PLAA: variants seen among roughly 807,000 people sequenced by gnomAD.
PLAA encodes the protein phospholipase A2 activating protein.
PLAA carries 48 observed loss-of-function variants against 84.1 expected under a neutral mutation model. The ratio of observed to expected loss-of-function variants is 0.57; its 90% CI spans 0.45 to 0.73. PLAA has a LOEUF of 0.73. PLAA is among the 30% of genes least tolerant of loss of function. PLAA has a pLI of 0.00. For missense variants in PLAA, 903 were observed against 954.7 expected, an observed-to-expected ratio of 0.95 and a Z score of 0.71; for synonymous variants, 392 against 336.6, an observed-to-expected ratio of 1.16 and a Z score of -1.80.
chr9:26,931,899 A>G (rs1825197634), intron 2 of PLAA, among the ~76,000 whole-genome samples: 1 of 152,212 alleles, frequency 6.6e-6, no homozygotes. Flanking sequence ...AGCCTGGACA[A>G]CATGGTGAAA....
rs776231510 is a variant in PLAA, at chr9:26,905,834, C to T, written c.2065G>A (p.Glu689Lys). ...TTCTTATTGCTCCCTGATTTCAGTT[C>T]TATTGCATGGGACATCAGTGATTCC... ...QRESLMSHAI[E>K]LKSGSNKNIH... The change falls in exon 14 of 14, where the codon GAA becomes AAA. Residue 689 changes from glutamate to lysine, a missense_variant. Transcript: ENST00000397292. 1 of 1,614,164 alleles carries T rather than the reference C, an allele frequency of 6.2e-7. No individual in the cohort carries two copies. Among genetic ancestry groups the T allele is most frequent in the Admixed American group, 1.7e-5 (1 of 60,018 alleles).
intron 7 of PLAA, among the ~76,000 whole-genome samples, chr9:26,920,599 T>G (rs1435136521): frequency 6.6e-6 from 1 of 152,166 alleles, no homozygotes; most frequent in Admixed American, 6.5e-5. Context: ...TAACAAAACG[T>G]GATTCTACTA....
chr9:26,925,797 A>G (rs749179315), intron 6 of PLAA, 28 bp downstream of exon 6: 25 of 1,609,646 alleles, frequency 1.6e-5, no homozygotes, highest in African/African-American at 6.7e-5. Context: ...GACATATAAC[A>G]TTTAATGATT....
chr9:26,929,132 G>C (rs1825084845), intron 2 of PLAA, among the ~76,000 whole-genome samples: 1 of 152,178 alleles, frequency 6.6e-6, no homozygotes, highest in South Asian at 2.1e-4. Flanking sequence ...CCAGGGCACA[G>C]AGGTTGCAGT....
chr9:26,915,689 T>C (rs1288246577), intron 10 of PLAA: 1 of 983,896 alleles, frequency 1.0e-6, no homozygotes, highest in East Asian at 1.1e-4. Flanking sequence ...CCTAATTCTC[T>C]TGGACATTGT....
At chr9:26,915,482 GAAATCTTTTGGCCCC>G (rs1376789048) in intron 10 of PLAA, among the ~76,000 whole-genome samples, 4 of 152,178 alleles carry the variant, frequency 2.6e-5, no homozygotes, top group African/African-American at 4.8e-5. Context: ...GCCAGATAGG[GAAATCTTTTGGCCCC>G]AGTGCCACTG....
rs1255978985 is a variant in PLAA at position 26,910,456 on chromosome 9, AGAT to A, written c.1556-20_1556-18del. ...CACTATTCCCTATTTAAAGAATAGA[AGAT>A]GATGATAATCACAAGGAGTGATCAA... On this transcript the variant is annotated intron_variant, in intron 11 of 13. Transcript: ENST00000397292. The A allele has an allele frequency of 6.4e-7, 1 of 1,562,578 alleles. No individual in the cohort carries two copies. Among genetic ancestry groups the A allele is most frequent in the Non-Finnish European group, 8.8e-7 (1 of 1,134,140 alleles).
Position 26,926,629 on chromosome 9 carries a change from T to C in PLAA, c.566-69A>G. The C allele has an allele frequency of 4.4e-6, 5 of 1,134,458 alleles. No individual in the cohort carries two copies. The Middle Eastern group carries it at 6.2e-4, about 141-fold the overall frequency. 70.3% of individuals were successfully genotyped at this position (1,134,458 alleles called of 1,614,324 possible). ...TGGCTGATGGCTCTATACATTTTAC[T>C]AACATTATAAAACATATCAGTGAGT... is the stretch of plus-strand genomic sequence containing the variant. On this transcript the variant is annotated intron_variant, in intron 4 of 13. Coordinates refer to ENST00000397292, the MANE Select transcript of PLAA (RefSeq NM_001031689.3).
intron 10 of PLAA, 91 bp from the exon 11 acceptor site, chr9:26,914,038 C>A: frequency 1.1e-6 from 1 of 874,218 alleles, no homozygotes; most frequent in Non-Finnish European, 1.9e-6. Context: ...ATTAAGCACA[C>A]TTCACAATGG....
chr9:26,937,953 G>A (rs1825413353), intron 1 of PLAA, among the ~76,000 whole-genome samples: 1 of 151,948 alleles, frequency 6.6e-6, no homozygotes, highest in South Asian at 2.1e-4. Context: ...CAGTCCTAGA[G>A]AGAGGGGAAA....
intron 6 of PLAA, among the ~76,000 whole-genome samples, chr9:26,924,293 G>C (rs1824871288): frequency 1.3e-5 from 2 of 151,894 alleles, no homozygotes; most frequent in Non-Finnish European, 2.9e-5. Flanking sequence ...ACCATGCCCA[G>C]CTAATTAAAT....
chr9:26,923,269 T>C lies in PLAA; in HGVS notation c.948A>G (p.Glu316=). The part of the protein sequence containing the change: ...SAEEIKAFEK[E]LSHATIDSKT... ...TAGAATCAATGGTTGCGTGAGACAG[T>C]TCTTTTTCAAAAGCCTTGATTTCTT... The change falls in exon 7 of 14, where the codon GAA becomes GAG. Residue 316 remains glutamate, a synonymous_variant. Coordinates refer to ENST00000397292, the MANE Select transcript of PLAA (RefSeq NM_001031689.3). The C allele has an allele frequency of 6.2e-7, 1 of 1,613,954 alleles. No homozygotes were observed. The highest frequency in any genetic ancestry group is 8.5e-7 in the Non-Finnish European group (1 of 1,179,844).
At chr9:26,916,583 T>C (rs1162656802) in intron 10 of PLAA, 1 of 987,050 alleles carries the variant, frequency 1.0e-6, no homozygotes, top group Admixed American at 6.1e-5. Flanking sequence ...CTGGGGAGAC[T>C]TCTTGATTGT....
chr9:26,918,288 ATTTT>A (rs1185916022), intron 9 of PLAA, among the ~76,000 whole-genome samples: 37 of 95,720 alleles, frequency 3.9e-4, no homozygotes, highest in Non-Finnish European at 6.3e-4. Flanking sequence ...AATTTTTTGT[ATTTT>A]TTTTTTTTTT....
rs10967589 is a variant in PLAA, at chr9:26,905,554, G to C, written c.2345C>G (p.Ala782Gly). 6.2e-7 allele frequency: 1 copy of C among 1,613,662 alleles called. No homozygotes were observed. Among genetic ancestry groups the C allele is most frequent in the Non-Finnish European group, 8.5e-7 (1 of 1,179,924 alleles). ...AAATCTACAGCATTCACTTACTTTA[G>C]CTGGTTCTGATACTGAGGAATACTT... Reference protein sequence around the residue: ...IKKYSSVSEPAKVSECCRFIL... With the variant: ...IKKYSSVSEPGKVSECCRFIL... The change falls in exon 14 of 14, where the codon GCT becomes GGT. Residue 782 changes from alanine to glycine, a missense_variant. Transcript: ENST00000397292.
intron 13 of PLAA, among the ~76,000 whole-genome samples, chr9:26,906,309 A>C (rs879416893): frequency 2.6e-5 from 4 of 152,102 alleles, no homozygotes; most frequent in Non-Finnish European, 5.9e-5. Context: ...AAAATAAGGT[A>C]ACTCTCTCAA....
chr9:26,906,598 T>G (rs967841033), intron 13 of PLAA, among the ~76,000 whole-genome samples: 3 of 151,972 alleles, frequency 2.0e-5, no homozygotes, highest in African/African-American at 7.3e-5. Flanking sequence ...CAGCTAATTT[T>G]TGTATTGTTA....
At chr9:26,915,825 GC>G (rs1824533520) in intron 10 of PLAA, 4 of 985,200 alleles carry the variant, frequency 4.1e-6, no homozygotes, top group Non-Finnish European at 4.8e-6. Flanking sequence ...ATTAGTTGAA[GC>G]TTGATATGTT....
intron 1 of PLAA, among the ~76,000 whole-genome samples, chr9:26,943,402 T>C (rs1249215607): frequency 6.6e-6 from 1 of 152,188 alleles, no homozygotes; most frequent in Non-Finnish European, 1.5e-5. Context: ...CTACATTTAC[T>C]ACCCTGATCT....
Sources: gnomAD v4.1 joint callset for allele counts (sites outside exome capture counted in the v4.1 genomes callset) on GRCh38, gnomAD v4.1.1 for gene constraint, MANE v1.5 for transcripts, NCBI Gene and HGNC (gene_info 2026-07-23, HGNC 2026-07-21) for gene names.